Variants in DNAJC1 observed in about 807,000 individuals in gnomAD.
The protein encoded by DNAJC1 is dnaJ homolog subfamily C member 1.
Under a neutral mutation model 76.6 loss-of-function variants are expected in DNAJC1, and 58 were observed. The ratio of observed to expected loss-of-function variants is 0.76; its 90% CI spans 0.61 to 0.94. The LOEUF is 0.94. Among genes scored for constraint, DNAJC1 ranks in the 40% least tolerant of loss-of-function variants. DNAJC1 has a pLI of 0.00. For synonymous variants in DNAJC1, 258 were observed against 267.9 expected (o/e 0.96, Z 0.36); for missense variants, 689 against 677.3 (o/e 1.02, Z -0.19).
At chr10:21,822,526 A>C (rs1188623301) in intron 8 of DNAJC1, among the ~76,000 whole-genome samples, 1 of 152,038 alleles carries the variant, frequency 6.6e-6, no homozygotes, top group Non-Finnish European at 1.5e-5. Context: ...TCTGTTTTTA[A>C]GAAAGAAAAA....
In DNAJC1 at chr10:21,891,289, A is replaced by C. The variant is rs187434179; in HGVS notation, c.821-8850T>G. Among the ~76,000 whole-genome samples the C allele has an allele frequency of 2.0e-3, 298 of 152,236 alleles. 2 individuals carry two copies. Among genetic ancestry groups the C allele is most frequent in the Middle Eastern group, 0.01 (3 of 294 alleles). ...AATGAACACTCTTGAAACAAATAAA[A>C]AGTTTCAGCAAAAAAATAGAAGACA... On this transcript the variant is annotated intron_variant, in intron 7 of 11. Coordinates refer to ENST00000376980, the MANE Select transcript of DNAJC1 (RefSeq NM_022365.4).
At chr10:21,875,386 C>T (rs933513797) in intron 8 of DNAJC1, among the ~76,000 whole-genome samples, 1 of 152,158 alleles carries the variant, frequency 6.6e-6, no homozygotes, top group African/African-American at 2.4e-5. Flanking sequence ...GAAGTCCTGA[C>T]CTCAAACAAT....
At chr10:21,908,038 AATAT>A (rs1354208761) in intron 6 of DNAJC1, among the ~76,000 whole-genome samples, 2 of 111,646 alleles carry the variant, frequency 1.8e-5, no homozygotes, top group Non-Finnish European at 3.4e-5. Flanking sequence ...TATATAATAT[AATAT>A]AATATATAAA....
intron 8 of DNAJC1, among the ~76,000 whole-genome samples, chr10:21,840,100 C>T (rs1031863487): frequency 6.6e-6 from 1 of 152,136 alleles, no homozygotes; most frequent in Non-Finnish European, 1.5e-5. Flanking sequence ...TGGGACGCAT[C>T]TCAAAATAAT....
chr10:21,941,540 A>T (rs1195280892), intron 1 of DNAJC1, among the ~76,000 whole-genome samples: 1 of 152,102 alleles, frequency 6.6e-6, no homozygotes, highest in Admixed American at 6.6e-5. Flanking sequence ...TATTCATTTT[A>T]AAATCCTTCA....
At chr10:21,993,115 CATAT>C (rs111841386) in intron 1 of DNAJC1, among the ~76,000 whole-genome samples, 1 of 151,286 alleles carries the variant, frequency 6.6e-6, no homozygotes, top group Non-Finnish European at 1.5e-5. Flanking sequence ...TTATATTTAC[CATAT>C]ATATATACTT....
chr10:22,003,221 C>A lies in DNAJC1; in HGVS notation c.214G>T (p.Val72Leu). The A allele has an allele frequency of 6.4e-7, 1 of 1,556,182 alleles. No individual in the cohort carries two copies. Reference sequence around the variant, plus strand: ...CGCGCCTCCTTGCTTACCTGCTGCACCCCGAGGAACTGGTAGAAGTTGAGC... The same window carrying A: ...CGCGCCTCCTTGCTTACCTGCTGCAACCCGAGGAACTGGTAGAAGTTGAGC... ...VQLNFYQFLG[V>L]QQDASSADIR... The change falls in exon 1 of 12, where the codon GTG (valine) becomes TTG (leucine). Residue 72 changes from valine (V) to leucine (L), a missense_variant. Val to Leu is a conservative substitution (Grantham distance 32). Transcript: ENST00000376980.
chr10:21,994,173 T>C (rs1197911094), intron 1 of DNAJC1, among the ~76,000 whole-genome samples: 1 of 152,216 alleles, frequency 6.6e-6, no homozygotes, highest in Non-Finnish European at 1.5e-5. Flanking sequence ...TCCAAATGAC[T>C]GTTAGCTATA....
chr10:21,863,490 T>C (rs1288442057), intron 8 of DNAJC1, among the ~76,000 whole-genome samples: 6 of 152,042 alleles, frequency 3.9e-5, no homozygotes, highest in Non-Finnish European at 8.8e-5. Context: ...CATTTCCCAA[T>C]GTGTTCTATA....
intron 9 of DNAJC1, among the ~76,000 whole-genome samples, chr10:21,805,599 T>G (rs943778586): frequency 2.6e-5 from 4 of 152,190 alleles, no homozygotes; most frequent in African/African-American, 9.6e-5. Context: ...CCTGTCTAAA[T>G]AGCAATCGCA....
chr10:21,982,972 T>C (rs1208930095), intron 1 of DNAJC1, among the ~76,000 whole-genome samples: 2 of 152,178 alleles, frequency 1.3e-5, no homozygotes, highest in Non-Finnish European at 2.9e-5. Context: ...GGAGGACTGC[T>C]TGAGCCTGGG....
intron 1 of DNAJC1, among the ~76,000 whole-genome samples, chr10:21,982,803 T>C (rs1403163825): frequency 6.6e-6 from 1 of 151,834 alleles, no homozygotes; most frequent in Non-Finnish European, 1.5e-5. Flanking sequence ...GAATGTAAAA[T>C]GGCACAGCAG....
Position 21,766,260 on chromosome 10 carries a change from C to A in DNAJC1, c.1147+1G>T. On this transcript the variant is annotated splice_donor_variant, in intron 10 of 11. Transcript: ENST00000376980. LOFTEE classifies it high-confidence loss of function. ...ATGAGATAGAGGAAGTATGAACTCA[C>A]CTGGGGAGCAGGTCACTGAATCCTT... 1 of 1,610,962 alleles carries A rather than the reference C, an allele frequency of 6.2e-7. No homozygotes were observed. The highest frequency in any genetic ancestry group is 8.5e-7 in the Non-Finnish European group (1 of 1,177,174).
chr10:22,001,006 C>T (rs1295908259), intron 1 of DNAJC1, among the ~76,000 whole-genome samples: 2 of 152,216 alleles, frequency 1.3e-5, no homozygotes, highest in South Asian at 2.1e-4. Context: ...CTCTCAGAGG[C>T]CTGCTCTGAC....
intron 1 of DNAJC1, 74 bp downstream of exon 1, chr10:22,003,139 G>A: frequency 7.2e-7 from 1 of 1,390,332 alleles, no homozygotes; most frequent in Non-Finnish European, 9.4e-7. Flanking sequence ...GTGTCCGGCT[G>A]TCTCTGAGGA....
chr10:21,805,189 T>C (rs372341116), intron 9 of DNAJC1, among the ~76,000 whole-genome samples: 16 of 152,234 alleles, frequency 1.1e-4, no homozygotes, highest in Middle Eastern at 3.4e-3. Flanking sequence ...TTTGGATCTA[T>C]AGGATTTATT....
chr10:21,857,426 G>A (rs1361491402), intron 8 of DNAJC1, among the ~76,000 whole-genome samples: 4 of 152,168 alleles, frequency 2.6e-5, no homozygotes, highest in East Asian at 1.9e-4. Context: ...CTCATGGAGT[G>A]AGGAAGAAGC....
chr10:21,945,803 T>C (rs1837494541), intron 1 of DNAJC1, among the ~76,000 whole-genome samples: 1 of 152,156 alleles, frequency 6.6e-6, no homozygotes, highest in South Asian at 2.1e-4. Context: ...AAAATGGACA[T>C]GTACATGAAA....
At chr10:21,909,054 T>G (rs1836809345) in intron 6 of DNAJC1, among the ~76,000 whole-genome samples, 1 of 152,080 alleles carries the variant, frequency 6.6e-6, no homozygotes, top group South Asian at 2.1e-4. Context: ...GTCTGGCTAA[T>G]TTTTGTATTT....
Sources: allele counts gnomAD v4.1 joint callset (sites outside exome capture counted in the v4.1 genomes callset), GRCh38; gene constraint gnomAD v4.1.1; transcripts MANE v1.5; gene names NCBI Gene and HGNC (gene_info 2026-07-23, HGNC 2026-07-21).